Variants in FZD2 observed in about 807,000 individuals in gnomAD.
The protein encoded by FZD2 is frizzled-2.
A neutral mutation model predicts 36.7 loss-of-function variants in FZD2; 17 were observed. That is an observed-to-expected ratio of 0.46 (90% CI 0.32 to 0.70). The LOEUF is 0.70. Among genes scored for constraint, FZD2 ranks in the 30% least tolerant of loss-of-function variants. The pLI, the probability that FZD2 is intolerant of heterozygous loss-of-function variation, is 0.04. For synonymous variants in FZD2, 333 were observed against 359.6 expected (o/e 0.93, Z 0.84); for missense variants, 525 against 805.6 (o/e 0.65, Z 4.22).
chr17:44,558,285 C>T lies in FZD2; in HGVS notation c.597C>T (p.Phe199=). 6.9e-7 allele frequency: 1 copy of T among 1,449,018 alleles called. No individual in the cohort carries two copies. The highest frequency in any genetic ancestry group is 9.0e-7 in the Non-Finnish European group (1 of 1,106,976). The allele number at this position is 1,449,018 out of a possible 1,614,324, so 89.8% of individuals were successfully genotyped here. A position where few individuals can be genotyped will look rare whatever the true frequency, so the allele number is the denominator to read the frequency against. ...PPRYATLEHP[F]HCPRVLKVPS... ...GCTACGCCACGCTGGAGCACCCCTTCCACTGCCCGCGCGTCCTCAAGGTGC... is the reference window on the plus strand; with the variant it reads ...GCTACGCCACGCTGGAGCACCCCTTTCACTGCCCGCGCGTCCTCAAGGTGC... The change falls in exon 1 of 1, where the codon TTC becomes TTT. Residue 199 remains phenylalanine (F), a synonymous_variant. Coordinates refer to ENST00000315323, the MANE Select transcript of FZD2 (RefSeq NM_001466.4). This position sits in a 1 kb window ranked among gnomAD's most constrained non-coding sequence, Gnocchi z 9.3.
In FZD2 at chr17:44,559,254, G is replaced by C; in HGVS notation, c.1566G>C (p.Met522Ile). 6.2e-7 allele frequency: 1 copy of C among 1,614,122 alleles called. No homozygotes were observed. Among genetic ancestry groups the C allele is most frequent in the African/African-American group, 1.3e-5 (1 of 75,070 alleles). The change falls in exon 1 of 1, where the codon ATG (methionine) becomes ATC (isoleucine). Residue 522 changes from methionine to isoleucine, a missense_variant. This residue lies in a region of FZD2 where 189 missense variants were observed against 298.1 expected (regional missense o/e 0.63). Coordinates refer to ENST00000315323, the MANE Select transcript of FZD2 (RefSeq NM_001466.4). The surrounding 1 kb of genome is among the most constrained non-coding windows in gnomAD (Gnocchi z 4.4). ...PRMSPDFTVY[M>I]IKYLMTLIVG... ...TGTCGCCCGACTTCACGGTCTACATGATCAAATACCTCATGACGCTCATCG... is the reference window on the plus strand; with the variant it reads ...TGTCGCCCGACTTCACGGTCTACATCATCAAATACCTCATGACGCTCATCG...
At position 44,559,645 on chromosome 17, in the gene FZD2, G is replaced by T. The variant is rs546988818; in HGVS notation, c.*259G>T. 5.5e-5 allele frequency: 13 copies of T among 235,484 alleles called. No homozygotes were observed. Among genetic ancestry groups the T allele is most frequent in the Non-Finnish European group, 1.0e-4 (13 of 129,046 alleles). The allele number at this position is 235,484 out of a possible 1,614,324, so 14.6% of individuals were successfully genotyped here. A position where few individuals can be genotyped will look rare whatever the true frequency, so the allele number is the denominator to read the frequency against. ...AAAAAAACAGGGGTGTGGGCGCCAG[G>T]ACTGAAGAATGAGGTGTGTGTGTGT... On this transcript the variant is annotated 3_prime_UTR_variant, in exon 1 of 1. Coordinates refer to ENST00000315323, the MANE Select transcript of FZD2 (RefSeq NM_001466.4). The surrounding 1 kb of genome is among the most constrained non-coding windows in gnomAD (Gnocchi z 4.4).
chr17:44,559,561 G>T lies in FZD2; in HGVS notation c.*175G>T. On this transcript the variant is annotated 3_prime_UTR_variant, in exon 1 of 1. Transcript: ENST00000315323. This position sits in a 1 kb window ranked among gnomAD's most constrained non-coding sequence, Gnocchi z 4.4. ...CCCCACAAGGTTTGTAATTAAAACTGTAAATAGTCTTTGTAAATTTAATTA... is the reference window on the plus strand; with the variant it reads ...CCCCACAAGGTTTGTAATTAAAACTTTAAATAGTCTTTGTAAATTTAATTA... 1.5e-6 allele frequency: 1 copy of T among 681,242 alleles called. No individual in the cohort carries two copies. The highest frequency in any genetic ancestry group is 2.1e-6 in the Non-Finnish European group (1 of 472,688). 42.2% of individuals were successfully genotyped at this position (681,242 alleles called of 1,614,324 possible).
Position 44,560,768 on chromosome 17 carries a change from A to G in FZD2, c.*1382A>G, listed in dbSNP as rs368653280. Among the ~76,000 whole-genome samples the G allele has an allele frequency of 4.4e-3, 675 of 152,298 alleles. 5 individuals are homozygous for G. Among genetic ancestry groups the G allele is most frequent in the African/African-American group, 0.015 (643 of 41,562 alleles). On this transcript the variant is annotated 3_prime_UTR_variant, in exon 1 of 1. Transcript: ENST00000315323. ...GAGACGGAGTCTTGCTCTGTCGCCC[A>G]GGCTGGAGTGCAGTGGTGCGATCTT...
rs776517733 is a variant in FZD2 at position 44,558,183 on chromosome 17, C to T, written c.495C>T (p.Thr165=). 3 of 1,509,194 alleles carry T rather than the reference C, an allele frequency of 2.0e-6. No individual in the cohort carries two copies. The East Asian group carries it at 8.0e-5, about 40-fold the overall frequency. The allele number at this position is 1,509,194 out of a possible 1,614,324, so 93.5% of individuals were successfully genotyped here. A position where few individuals can be genotyped will look rare whatever the true frequency, so the allele number is the denominator to read the frequency against. The change falls in exon 1 of 1, where the codon ACC becomes ACT. Residue 165 remains threonine, a synonymous_variant. Transcript: ENST00000315323. This position sits in a 1 kb window ranked among gnomAD's most constrained non-coding sequence, Gnocchi z 9.3. Reference sequence around the variant, plus strand: ...AGGACGGAGCTCCCGCGCTACTCACCACCGCGCCGCCGCCGGGACTGCAGC... The same window carrying T: ...AGGACGGAGCTCCCGCGCTACTCACTACCGCGCCGCCGCCGGGACTGCAGC... ...HSEDGAPALL[T]TAPPPGLQPG...
Position 44,558,220 on chromosome 17 carries a change from G to A in FZD2, c.532G>A (p.Gly178Ser), listed in dbSNP as rs552299284. ...GCCGGGACTGCAGCCGGGTGCCGGG[G>A]GCACCCCGGGTGGCCCGGGCGGCGG... ...PPPGLQPGAG[G>S]TPGGPGGGGA... The change falls in exon 1 of 1, where the codon GGC becomes AGC. Residue 178 changes from glycine to serine, a missense_variant. Coordinates refer to ENST00000315323, the MANE Select transcript of FZD2 (RefSeq NM_001466.4). This position sits in a 1 kb window ranked among gnomAD's most constrained non-coding sequence, Gnocchi z 9.3. The A allele has an allele frequency of 1.5e-5, 21 of 1,412,410 alleles. No individual in the cohort carries two copies. In the East Asian group the frequency reaches 5.1e-4, roughly 34 times the overall value. The allele number at this position is 1,412,410 out of a possible 1,614,324, so 87.5% of individuals were successfully genotyped here.
In FZD2 at chr17:44,558,447, G is replaced by T. The variant is rs150496365; in HGVS notation, c.759G>T (p.Val253=). 8.2e-6 allele frequency: 13 copies of T among 1,589,116 alleles called. No individual in the cohort carries two copies. The East Asian group carries it at 2.9e-4, about 36-fold the overall frequency. The change falls in exon 1 of 1, where the codon GTG becomes GTT. Residue 253 remains valine, a synonymous_variant. Coordinates refer to ENST00000315323, the MANE Select transcript of FZD2 (RefSeq NM_001466.4). The surrounding 1 kb of genome is among the most constrained non-coding windows in gnomAD (Gnocchi z 9.3). Reference sequence around the variant, plus strand: ...GCCTCTGGATCCTCACCTGGTCGGTGCTGTGCTGCGCTTCCACCTTCTTCA... The same window carrying T: ...GCCTCTGGATCCTCACCTGGTCGGTTCTGTGCTGCGCTTCCACCTTCTTCA... ...FARLWILTWS[V]LCCASTFFTV...
At position 44,558,464 on chromosome 17, in the gene FZD2, C is replaced by T; in HGVS notation, c.776C>T (p.Thr259Ile). The T allele has an allele frequency of 6.3e-7, 1 of 1,586,382 alleles. No individual in the cohort carries two copies. Among genetic ancestry groups the T allele is most frequent in the Non-Finnish European group, 8.6e-7 (1 of 1,167,702 alleles). Residue 259 changes from threonine to isoleucine, a missense_variant, in exon 1 of 1, where the codon ACC (threonine) becomes ATC (isoleucine). Around this residue, in one of 5 missense-constraint regions of FZD2, gnomAD observed 257 missense variants for 344.4 expected, o/e 0.75. Transcript: ENST00000315323. This position sits in a 1 kb window ranked among gnomAD's most constrained non-coding sequence, Gnocchi z 9.3. The stretch of plus-strand genomic sequence containing the variant: ...TGGTCGGTGCTGTGCTGCGCTTCCA[C>T]CTTCTTCACTGTCACCACGTACTTG... ...LTWSVLCCAS[T>I]FFTVTTYLVD...
chr17:44,559,212 G>A lies in FZD2; in HGVS notation c.1524G>A (p.Ala508=). The A allele has an allele frequency of 6.2e-7, 1 of 1,614,006 alleles. No homozygotes were observed. Among genetic ancestry groups the A allele is most frequent in the South Asian group, 1.1e-5 (1 of 91,088 alleles). Residue 508 remains alanine (A), a synonymous_variant, in exon 1 of 1, where the codon GCG becomes GCA. Coordinates refer to ENST00000315323, the MANE Select transcript of FZD2 (RefSeq NM_001466.4). The surrounding 1 kb of genome is among the most constrained non-coding windows in gnomAD (Gnocchi z 4.4). ...AGAGCCTGGCCATCCCGTGCCCGGC[G>A]CACTACACGCCGCGCATGTCGCCCG... ...HCKSLAIPCP[A]HYTPRMSPDF... is the part of the protein sequence containing the mutation.
At position 44,559,938 on chromosome 17, in the gene FZD2, C is replaced by T. The variant is rs1970870415; in HGVS notation, c.*552C>T. ...GACTTGGATTCGTTTTGTTTCCTTCCCCCTTTTCTTTCCCTACTCATTTGT... is the reference window on the plus strand; with the variant it reads ...GACTTGGATTCGTTTTGTTTCCTTCTCCCTTTTCTTTCCCTACTCATTTGT... On this transcript the variant is annotated 3_prime_UTR_variant, in exon 1 of 1. Transcript: ENST00000315323. The surrounding 1 kb of genome is among the most constrained non-coding windows in gnomAD (Gnocchi z 4.4). Among the ~76,000 whole-genome samples the T allele has an allele frequency of 6.6e-6, 1 of 152,062 alleles. No homozygotes were observed. Among genetic ancestry groups the T allele is most frequent in the South Asian group, 2.1e-4 (1 of 4,814 alleles).
In FZD2 at chr17:44,558,344, G is replaced by A. The variant is rs762507541; in HGVS notation, c.656G>A (p.Arg219His). 15 of 1,506,616 alleles carry A rather than the reference G, an allele frequency of 1.0e-5. No homozygotes were observed. The South Asian group carries it at 1.5e-4, about 15-fold the overall frequency. 93.3% of individuals were successfully genotyped at this position (1,506,616 alleles called of 1,614,324 possible). ...SYLSYKFLGE[R>H]DCAAPCEPAR... is the part of the protein sequence containing the mutation. ...CTCAGCTACAAGTTTCTGGGCGAGC[G>A]TGATTGTGCTGCGCCCTGCGAACCT... Residue 219 changes from arginine to histidine, a missense_variant, in exon 1 of 1, where the codon CGT becomes CAT. By Grantham distance (29) the Arg-to-His change is conservative. Coordinates refer to ENST00000315323, the MANE Select transcript of FZD2 (RefSeq NM_001466.4). This position sits in a 1 kb window ranked among gnomAD's most constrained non-coding sequence, Gnocchi z 9.3.
rs904602738 is a variant in FZD2, at chr17:44,557,672, G to A, written c.-17G>A. 4.3e-5 allele frequency: 54 copies of A among 1,250,534 alleles called. No individual in the cohort carries two copies. Among genetic ancestry groups the A allele is most frequent in the African/African-American group, 9.5e-5 (6 of 63,424 alleles). 77.5% of individuals were successfully genotyped at this position (1,250,534 alleles called of 1,614,324 possible). A position where few individuals can be genotyped will look rare whatever the true frequency, so the allele number is the denominator to read the frequency against. ...CGGGGGGGGCGCCAAGGAGCCGGGTGGGGGGCGGCGGCCAGCATGCGGCCC... is the reference window on the plus strand; with the variant it reads ...CGGGGGGGGCGCCAAGGAGCCGGGTAGGGGGCGGCGGCCAGCATGCGGCCC... On this transcript the variant is annotated 5_prime_UTR_variant, in exon 1 of 1. Coordinates refer to ENST00000315323, the MANE Select transcript of FZD2 (RefSeq NM_001466.4). This position sits in a 1 kb window ranked among gnomAD's most constrained non-coding sequence, Gnocchi z 4.9.
chr17:44,558,874 GA>G lies in FZD2; in HGVS notation c.1187del (p.Asp396AlafsTer3). 1 of 1,612,964 alleles carries G rather than the reference GA, an allele frequency of 6.2e-7. No homozygotes were observed. Among genetic ancestry groups the G allele is most frequent in the Non-Finnish European group, 8.5e-7 (1 of 1,179,642 alleles). Reference protein sequence around the residue: ...TILAMGQIDGDLLSGVCFVGL... With the variant: ...TILAMGQIDGXLLSGVCFVGL... The stretch of plus-strand genomic sequence containing the variant: ...CCTGGCCATGGGCCAGATCGACGGC[GA>G]CCTGCTGAGCGGCGTGTGCTTCGTA... On this transcript the variant is annotated frameshift_variant, in exon 1 of 1. Transcript: ENST00000315323. LOFTEE classifies it high-confidence loss of function. This position sits in a 1 kb window ranked among gnomAD's most constrained non-coding sequence, Gnocchi z 9.3.
In FZD2 at chr17:44,558,479, C is replaced by T; in HGVS notation, c.791C>T (p.Thr264Ile). ...TGCGCTTCCACCTTCTTCACTGTCACCACGTACTTGGTAGACATGCAGCGC... is the reference window on the plus strand; with the variant it reads ...TGCGCTTCCACCTTCTTCACTGTCATCACGTACTTGGTAGACATGCAGCGC... ...LCCASTFFTV[T>I]TYLVDMQRFR... is the part of the protein sequence containing the mutation. Residue 264 changes from threonine (T) to isoleucine (I), a missense_variant, in exon 1 of 1, where the codon ACC (threonine) becomes ATC (isoleucine). Coordinates refer to ENST00000315323, the MANE Select transcript of FZD2 (RefSeq NM_001466.4). The surrounding 1 kb of genome is among the most constrained non-coding windows in gnomAD (Gnocchi z 9.3). 6.3e-7 allele frequency: 1 copy of T among 1,584,192 alleles called. No homozygotes were observed. The highest frequency in any genetic ancestry group is 1.2e-5 in the South Asian group (1 of 85,852).
chr17:44,559,488 C>T lies in FZD2; in HGVS notation c.*102C>T. 1 of 1,419,330 alleles carries T rather than the reference C, an allele frequency of 7.0e-7. No individual in the cohort carries two copies. The highest frequency in any genetic ancestry group is 2.6e-5 in the East Asian group (1 of 39,104). 87.9% of individuals were successfully genotyped at this position (1,419,330 alleles called of 1,614,324 possible). ...TTTTTAAATAAAAAACGATCGAAAC[C>T]ATTTCACTTTTAGGTTGCTTTTTAA... On this transcript the variant is annotated 3_prime_UTR_variant, in exon 1 of 1. Transcript: ENST00000315323. This position sits in a 1 kb window ranked among gnomAD's most constrained non-coding sequence, Gnocchi z 4.4.
At position 44,559,495 on chromosome 17, in the gene FZD2, C is replaced by A. The variant is rs956304995; in HGVS notation, c.*109C>A. On this transcript the variant is annotated 3_prime_UTR_variant, in exon 1 of 1. Coordinates refer to ENST00000315323, the MANE Select transcript of FZD2 (RefSeq NM_001466.4). The surrounding 1 kb of genome is among the most constrained non-coding windows in gnomAD (Gnocchi z 4.4). ...ATAAAAAACGATCGAAACCATTTCA[C>A]TTTTAGGTTGCTTTTTAAAAGAGAA... 9.2e-6 allele frequency: 13 copies of A among 1,407,000 alleles called. No individual in the cohort carries two copies. Among genetic ancestry groups the A allele is most frequent in the Non-Finnish European group, 1.2e-5 (13 of 1,083,904 alleles). 87.2% of individuals were successfully genotyped at this position (1,407,000 alleles called of 1,614,324 possible).
chr17:44,557,641 CG>C lies in FZD2; in HGVS notation c.-43del. The C allele has an allele frequency of 3.9e-6, 4 of 1,027,562 alleles. No homozygotes were observed. The highest frequency in any genetic ancestry group is 4.8e-6 in the Non-Finnish European group (4 of 829,492). 63.7% of individuals were successfully genotyped at this position (1,027,562 alleles called of 1,614,324 possible). ...AGAAGCGCAGTCTCCGGGTTGGGGG[CG>C]GGGGCGGGGGGGGCGCCAAGGAGCC... On this transcript the variant is annotated 5_prime_UTR_variant, in exon 1 of 1. Coordinates refer to ENST00000315323, the MANE Select transcript of FZD2 (RefSeq NM_001466.4). The surrounding 1 kb of genome is among the most constrained non-coding windows in gnomAD (Gnocchi z 4.9).
chr17:44,557,674 G>A lies in FZD2; in HGVS notation c.-15G>A. On this transcript the variant is annotated 5_prime_UTR_variant, in exon 1 of 1. Transcript: ENST00000315323. This position sits in a 1 kb window ranked among gnomAD's most constrained non-coding sequence, Gnocchi z 4.9. ...GGGGGGGCGCCAAGGAGCCGGGTGGGGGGCGGCGGCCAGCATGCGGCCCCG... is the reference window on the plus strand; with the variant it reads ...GGGGGGGCGCCAAGGAGCCGGGTGGAGGGCGGCGGCCAGCATGCGGCCCCG... 4.8e-6 allele frequency: 6 copies of A among 1,258,298 alleles called. No individual in the cohort carries two copies. Among genetic ancestry groups the A allele is most frequent in the Non-Finnish European group, 6.0e-6 (6 of 1,001,794 alleles). The allele number at this position is 1,258,298 out of a possible 1,614,324, so 77.9% of individuals were successfully genotyped here.
Position 44,557,722 on chromosome 17 carries a change from C to T in FZD2, c.34C>T (p.Leu12=), listed in dbSNP as rs199790761. 3 of 1,596,010 alleles carry T rather than the reference C, an allele frequency of 1.9e-6. No homozygotes were observed. Among genetic ancestry groups the T allele is most frequent in the Non-Finnish European group, 2.6e-6 (3 of 1,172,976 alleles). The change falls in exon 1 of 1, where the codon CTG becomes TTG. Residue 12 remains leucine, a synonymous_variant. Transcript: ENST00000315323. This position sits in a 1 kb window ranked among gnomAD's most constrained non-coding sequence, Gnocchi z 4.9. ...RPRSALPRLL[L]PLLLLPAAGP... ...CCGCAGCGCCCTGCCCCGCCTGCTG[C>T]TGCCGCTGCTGCTGCTGCCCGCCGC...
Sources: allele counts gnomAD v4.1 joint callset (sites outside exome capture counted in the v4.1 genomes callset), GRCh38; gene constraint gnomAD v4.1.1; regional missense constraint gnomAD v4.1.1; non-coding constraint Gnocchi (gnomAD v3.1); transcripts MANE v1.5; gene names NCBI Gene and HGNC (gene_info 2026-07-23, HGNC 2026-07-21).